Variants in ITPRID1 observed in about 807,000 individuals in gnomAD.
ITPRID1 encodes the protein protein ITPRID1.
ITPRID1 carries 96 observed loss-of-function variants against 95.4 expected under a neutral mutation model. That is an observed-to-expected ratio of 1.01 (90% CI 0.85 to 1.19). ITPRID1 has a LOEUF of 1.19. ITPRID1 is among the 50% of genes most tolerant of loss of function. The pLI, the probability that ITPRID1 is intolerant of heterozygous loss-of-function variation, is 0.00. For synonymous variants in ITPRID1, 510 were observed against 453.6 expected (o/e 1.12, Z -1.58); for missense variants, 1,339 against 1,252.9 (o/e 1.07, Z -1.04).
At chr7:31,650,050 C>T (rs76463129) in intron 12 of ITPRID1, among the ~76,000 whole-genome samples, 3,327 of 152,182 alleles carry the variant, frequency 0.022, 125 homozygotes, top group African/African-American at 0.076. Context: ...GTTTGTGAGC[C>T]AGCAGTAACT....
chr7:31,650,591 G>T (rs1790859179), intron 12 of ITPRID1, among the ~76,000 whole-genome samples: 1 of 152,164 alleles, frequency 6.6e-6, no homozygotes, highest in African/African-American at 2.4e-5. Context: ...GCCTTCCTCA[G>T]GGTGGGCTTG....
intron 10 of ITPRID1, among the ~76,000 whole-genome samples, chr7:31,620,590 C>T (rs1787768255): frequency 6.6e-6 from 1 of 150,632 alleles, no homozygotes; most frequent in Admixed American, 6.6e-5. Flanking sequence ...AAAGGACATC[C>T]ACACCAAAAA....
chr7:31,653,969 C>T lies in ITPRID1; in HGVS notation c.*1140C>T, dbSNP rs909409066. ...GTACTGATGAAACACCTACTGTGTG[C>T]AGGCTACTATTCTAGTGCTGGAGAC... On this transcript the variant is annotated 3_prime_UTR_variant, in exon 15 of 15. Coordinates refer to ENST00000615280, the MANE Select transcript of ITPRID1 (RefSeq NM_001257967.3). 2.0e-5 allele frequency among the ~76,000 whole-genome samples: 3 copies of T among 149,068 alleles called. No individual in the cohort carries two copies. Among genetic ancestry groups the T allele is most frequent in the East Asian group, 4.0e-4 (2 of 4,956 alleles).
rs148307154 is a variant in ITPRID1, at chr7:31,638,241, G to A, written c.1229-3935G>A. Among the ~76,000 whole-genome samples, 273 of 152,288 alleles carry A rather than the reference G, an allele frequency of 1.8e-3. 2 individuals are homozygous for A. Among genetic ancestry groups the A allele is most frequent in the African/African-American group, 6.1e-3 (255 of 41,556 alleles). On this transcript the variant is annotated intron_variant, in intron 10 of 14. Coordinates refer to ENST00000615280, the MANE Select transcript of ITPRID1 (RefSeq NM_001257967.3). ...AAGGAAACTGAAAAGTTTTAATATG[G>A]ATTGAACTAATTATAACAAAGGCAG...
chr7:31,570,180 C>T (rs1304553776), intron 6 of ITPRID1, among the ~76,000 whole-genome samples: 1 of 152,132 alleles, frequency 6.6e-6, no homozygotes, highest in African/African-American at 2.4e-5. Context: ...TACTGGACAA[C>T]AATATATACA....
In ITPRID1 at chr7:31,578,409, G is replaced by T; in HGVS notation, c.1145G>T (p.Gly382Val). ...LKSLSHLAGK[G>V]PDSFEMEEVQ... is the part of the protein sequence containing the mutation. ...AGCTTGTCTCATCTTGCAGGCAAAG[G>T]ACCAGACTCATTTGAAATGGAAGAG... The change falls in exon 9 of 15, where the codon GGA becomes GTA. Residue 382 changes from glycine to valine, a missense_variant. Coordinates refer to ENST00000615280, the MANE Select transcript of ITPRID1 (RefSeq NM_001257967.3). The T allele has an allele frequency of 6.2e-7, 1 of 1,608,780 alleles. No homozygotes were observed. The highest frequency in any genetic ancestry group is 1.1e-5 in the South Asian group (1 of 90,426).
At chr7:31,626,058 T>A (rs1211334824) in intron 10 of ITPRID1, among the ~76,000 whole-genome samples, 1 of 152,210 alleles carries the variant, frequency 6.6e-6, no homozygotes. Context: ...TCCAAGTTGA[T>A]TCTAAAATCA....
chr7:31,581,190 A>G (rs890173256), intron 9 of ITPRID1, among the ~76,000 whole-genome samples: 2 of 152,184 alleles, frequency 1.3e-5, no homozygotes, highest in East Asian at 3.8e-4. Context: ...AGTTATCAGA[A>G]TTTCAAGTAT....
At chr7:31,554,173 G>T (rs2191337) in intron 3 of ITPRID1, among the ~76,000 whole-genome samples, 24,109 of 152,006 alleles carry the variant, frequency 0.16, 2,089 homozygotes, top group Middle Eastern at 0.22. Flanking sequence ...TTCACACCAG[G>T]TAATTTAAAA....
intron 10 of ITPRID1, among the ~76,000 whole-genome samples, chr7:31,606,830 C>T (rs1238022773): frequency 2.0e-5 from 3 of 152,066 alleles, no homozygotes; most frequent in Non-Finnish European, 4.4e-5. Flanking sequence ...ATATTGGCAA[C>T]TCTTTCTATG....
intron 2 of ITPRID1, chr7:31,552,029 T>C (rs1484070875): frequency 2.8e-6 from 1 of 357,948 alleles, no homozygotes; most frequent in Admixed American, 3.1e-5. Context: ...TAGAGATACA[T>C]AAATGAGTAA....
intron 1 of ITPRID1, among the ~76,000 whole-genome samples, chr7:31,519,620 C>CTCTCTCTCTCTATATA: frequency 1.8e-3 from 46 of 25,260 alleles, no homozygotes; most frequent in East Asian, 6.0e-3. Context: ...CTCTCTCTCT[C>CTCTCTCTCTCTATATA]TATATATATA....
intron 1 of ITPRID1, among the ~76,000 whole-genome samples, chr7:31,537,024 G>A (rs766707054): frequency 6.6e-6 from 1 of 151,722 alleles, no homozygotes; most frequent in Non-Finnish European, 1.5e-5. Context: ...ATTTCACTTA[G>A]CTATCCTGCT....
At chr7:31,554,949 TA>T in intron 5 of ITPRID1, 48 bp downstream of exon 5, 7 of 1,298,130 alleles carry the variant, frequency 5.4e-6, no homozygotes, top group Non-Finnish European at 6.6e-6. Flanking sequence ...GTAGGAGATA[TA>T]TTCAAATATC....
intron 6 of ITPRID1, among the ~76,000 whole-genome samples, chr7:31,570,565 A>G (rs993953521): frequency 2.0e-5 from 3 of 152,202 alleles, no homozygotes; most frequent in African/African-American, 7.2e-5. Context: ...ATTCACCCCT[A>G]AAATGCTATT....
chr7:31,599,927 T>C (rs546801217), intron 10 of ITPRID1, among the ~76,000 whole-genome samples: 1 of 152,116 alleles, frequency 6.6e-6, no homozygotes, highest in South Asian at 2.1e-4. Flanking sequence ...CTGGATCTCC[T>C]GACCTCGTGA....
At chr7:31,531,519 G>A (rs926154583) in intron 1 of ITPRID1, among the ~76,000 whole-genome samples, 47 of 152,246 alleles carry the variant, frequency 3.1e-4, no homozygotes, top group African/African-American at 9.6e-4. Context: ...TCAGGAGATC[G>A]TTCACTGGGG....
chr7:31,551,576 C>T (rs1784285989), intron 2 of ITPRID1, among the ~76,000 whole-genome samples: 1 of 143,016 alleles, frequency 7.0e-6, no homozygotes, highest in Non-Finnish European at 1.6e-5. Flanking sequence ...AAATTGACAG[C>T]CATCATAATT....
Position 31,592,803 on chromosome 7 carries a change from A to T in ITPRID1, c.1228+9612A>T, listed in dbSNP as rs7809139. 2.6e-3 allele frequency among the ~76,000 whole-genome samples: 391 copies of T among 152,318 alleles called. 3 individuals carry two copies. Among genetic ancestry groups the T allele is most frequent in the African/African-American group, 8.9e-3 (368 of 41,570 alleles). ...GCCGGGGGTTGGGGAACACTGCTCT[A>T]TACTAATAAAAATAGTGTATGGAAA... On this transcript the variant is annotated intron_variant, in intron 10 of 14. Coordinates refer to ENST00000615280, the MANE Select transcript of ITPRID1 (RefSeq NM_001257967.3).
Sources: allele counts gnomAD v4.1 joint callset (sites outside exome capture counted in the v4.1 genomes callset), GRCh38; gene constraint gnomAD v4.1.1; transcripts MANE v1.5; gene names NCBI Gene and HGNC (gene_info 2026-07-23, HGNC 2026-07-21).